Variants in USP28 observed in about 807,000 individuals in gnomAD.
USP28 encodes the protein ubiquitin carboxyl-terminal hydrolase 28.
A neutral mutation model predicts 145.0 loss-of-function variants in USP28; 113 were observed. The ratio of observed to expected loss-of-function variants is 0.78; its 90% CI spans 0.67 to 0.91. The LOEUF is 0.91. USP28 is among the 40% of genes least tolerant of loss of function. USP28 has a pLI of 0.00. For synonymous variants in USP28, 447 were observed against 450.9 expected (o/e 0.99, Z 0.11); for missense variants, 1,201 against 1,289.6 (o/e 0.93, Z 1.05).
At chr11:113,803,734 G>T in intron 22 of USP28, 64 bp downstream of exon 23, 2 of 1,334,414 alleles carry the variant, frequency 1.5e-6, no homozygotes, top group Non-Finnish European at 2.1e-6. Flanking sequence ...AGTATTCCCA[G>T]GTAGGCATCT....
chr11:113,805,118 G>A, intron 19 of USP28, 72 bp from the exon 21 acceptor site: 1 of 1,361,460 alleles, frequency 7.3e-7, no homozygotes, highest in Non-Finnish European at 1.0e-6. Flanking sequence ...TGATGCCTAG[G>A]AGCTAGGCAG....
intron 7 of USP28, among the ~76,000 whole-genome samples, chr11:113,832,488 G>C (rs1317949758): frequency 6.6e-6 from 1 of 152,128 alleles, no homozygotes; most frequent in Admixed American, 6.5e-5. Context: ...TAAAAAAGAA[G>C]GTGCATTAAG....
chr11:113,840,138 A>C (rs1451127676), intron 5 of USP28, among the ~76,000 whole-genome samples: 1 of 152,176 alleles, frequency 6.6e-6, no homozygotes, highest in East Asian at 1.9e-4. Flanking sequence ...GAAACCTCAT[A>C]GTCTTACTCT....
chr11:113,854,218 G>A, intron 2 of USP28, 40 bp downstream of exon 2: 1 of 1,558,338 alleles, frequency 6.4e-7, no homozygotes, highest in Non-Finnish European at 8.8e-7. Context: ...ATAGACAGCT[G>A]CTTTAAAGCC....
At chr11:113,818,421 G>A (rs1284051200) in intron 12 of USP28, among the ~76,000 whole-genome samples, 2 of 152,028 alleles carry the variant, frequency 1.3e-5, no homozygotes, top group African/African-American at 2.4e-5. Context: ...AAAGTGCTGG[G>A]ATTAAGGGCC....
chr11:113,799,306 G>A (rs1251535242), exon 25 of USP28: 15 of 1,614,052 alleles, frequency 9.3e-6, no homozygotes, highest in African/African-American at 1.3e-5. Flanking sequence ...GGCTACATAG[G>A]TCATAGGGAG....
At chr11:113,874,250 G>C (rs1949132633) in intron 1 of USP28, among the ~76,000 whole-genome samples, 1 of 151,434 alleles carries the variant, frequency 6.6e-6, no homozygotes, top group South Asian at 2.1e-4. Flanking sequence ...TCGGGAGTTT[G>C]AGACCAGCCT....
Position 113,823,660 on chromosome 11 carries a change from CTCTCT to C in USP28, c.1223_1227del (p.Lys408ArgfsTer41). The C allele has an allele frequency of 6.2e-7, 1 of 1,612,586 alleles. No homozygotes were observed. The highest frequency in any genetic ancestry group is 8.5e-7 in the Non-Finnish European group (1 of 1,179,554). On this transcript the variant is annotated frameshift_variant, in exon 12 of 25. Transcript: ENST00000003302. LOFTEE classifies it high-confidence loss of function. ...TCCTCCTTCAACTTTCGAATACACT[CTCTCT>C]TATTTCGAATAAGCTCCTTGCTCCT...
chr11:113,806,403 C>A, intron 19 of USP28, 86 bp downstream of exon 20: 1 of 1,173,474 alleles, frequency 8.5e-7, no homozygotes, highest in African/African-American at 1.5e-5. Flanking sequence ...CCAGCCTTAA[C>A]CCCATTTTTT....
At chr11:113,830,656 A>T (rs1943877475) in intron 9 of USP28, among the ~76,000 whole-genome samples, 1 of 152,170 alleles carries the variant, frequency 6.6e-6, no homozygotes, top group Admixed American at 6.5e-5. Flanking sequence ...TCTGAGATAA[A>T]GATTGTGCAC....
At chr11:113,831,044 CA>C in intron 8 of USP28, 101 bp from the exon 9 acceptor site, 1 of 1,207,446 alleles carries the variant, frequency 8.3e-7, no homozygotes, top group Non-Finnish European at 1.2e-6. Flanking sequence ...GCATTTTCAT[CA>C]ACCCCCAAAG....
At chr11:113,871,345 C>T (rs1049447631) in intron 1 of USP28, among the ~76,000 whole-genome samples, 4 of 152,094 alleles carry the variant, frequency 2.6e-5, no homozygotes, top group Admixed American at 2.0e-4. Flanking sequence ...TAGACTAGGA[C>T]TAAGGAGAAG....
intron 3 of USP28, among the ~76,000 whole-genome samples, chr11:113,847,023 A>G (rs369245610): frequency 6.6e-6 from 1 of 152,138 alleles, no homozygotes. Context: ...AAATAATCCA[A>G]TTATCACTAT....
At chr11:113,828,136 T>C (rs1482813598) in intron 10 of USP28, among the ~76,000 whole-genome samples, 1 of 152,250 alleles carries the variant, frequency 6.6e-6, no homozygotes, top group Non-Finnish European at 1.5e-5. Flanking sequence ...TTTAAAATAT[T>C]TCCTTTACCA....
intron 11 of USP28, among the ~76,000 whole-genome samples, chr11:113,825,978 T>C (rs1943239957): frequency 6.6e-6 from 1 of 152,076 alleles, no homozygotes; most frequent in African/African-American, 2.4e-5. Flanking sequence ...AACCATGGGA[T>C]AAGAATGACT....
intron 3 of USP28, among the ~76,000 whole-genome samples, chr11:113,846,190 T>C (rs1316556715): frequency 6.6e-6 from 1 of 152,208 alleles, no homozygotes; most frequent in Non-Finnish European, 1.5e-5. Context: ...GGGGTTACTA[T>C]TCAACGCATA....
In USP28 at chr11:113,827,702, A is replaced by C. The variant is rs9645658; in HGVS notation, c.1060-342T>G. On this transcript the variant is annotated intron_variant, in intron 10 of 24. Coordinates refer to ENST00000003302, the Ensembl canonical transcript of USP28. ...CATTCGTTACATCATCAGTATTCAG[A>C]AGAGGTTTAAAAACTTAACAGCTAG... 8.5e-3 allele frequency among the ~76,000 whole-genome samples: 1,302 copies of C among 152,356 alleles called. 7 individuals carry two copies. Among genetic ancestry groups the C allele is most frequent in the Middle Eastern group, 0.024 (7 of 292 alleles).
chr11:113,866,957 G>C (rs989050811), intron 1 of USP28, among the ~76,000 whole-genome samples: 1 of 138,928 alleles, frequency 7.2e-6, no homozygotes. Flanking sequence ...ATATTACTCA[G>C]TGATTAAAAT....
Position 113,798,346 on chromosome 11 carries a change from C to G in USP28, c.*894G>C, listed in dbSNP as rs370879416. On this transcript the variant is annotated 3_prime_UTR_variant, in exon 25 of 25. Coordinates refer to ENST00000003302, the Ensembl canonical transcript of USP28. The stretch of plus-strand genomic sequence containing the variant: ...ACGAGAATCACTTGAGCCCAGGAGA[C>G]AGAGTTTGCAGTGAGCTGAGATTGC... The G allele has an allele frequency of 3.6e-3, 541 of 151,328 alleles. 2 individuals are homozygous for G. The highest frequency in any genetic ancestry group is 0.017 in the Middle Eastern group (5 of 292). 9.4% of individuals were successfully genotyped at this position (151,328 alleles called of 1,614,324 possible).
Sources: gnomAD v4.1 joint callset for allele counts (sites outside exome capture counted in the v4.1 genomes callset) on GRCh38, gnomAD v4.1.1 for gene constraint, MANE v1.5 for transcripts, NCBI Gene and HGNC (gene_info 2026-07-23, HGNC 2026-07-21) for gene names.